Variants in GPC5 observed in about 807,000 individuals in gnomAD.
The protein encoded by GPC5 is glypican 5, also known as glypican-5.
In GPC5, 47 loss-of-function variants were observed where a neutral mutation model predicts 53.9. That is an observed-to-expected ratio of 0.87 (90% CI 0.69 to 1.11). The LOEUF (loss-of-function observed/expected upper bound fraction) is 1.11. Ranked by LOEUF, GPC5 falls within the 50% of genes most tolerant of loss-of-function variation. GPC5 has a pLI of 0.00. For synonymous variants in GPC5, 286 were observed against 263.3 expected (o/e 1.09, Z -0.84); for missense variants, 748 against 713.1 (o/e 1.05, Z -0.56).
At chr13:92,031,867 T>A (rs1315028106) in intron 6 of GPC5, among the ~76,000 whole-genome samples, 4 of 85,146 alleles carry the variant, frequency 4.7e-5, no homozygotes, top group East Asian at 3.2e-4. Flanking sequence ...ATATATATAT[T>A]ATATATAACA....
At chr13:92,297,320 A>T (rs1407211999) in intron 7 of GPC5, among the ~76,000 whole-genome samples, 1 of 150,810 alleles carries the variant, frequency 6.6e-6, no homozygotes, top group Non-Finnish European at 1.5e-5. Flanking sequence ...GGCACTCTGT[A>T]TCTAGCTCAA....
intron 7 of GPC5, among the ~76,000 whole-genome samples, chr13:92,408,829 G>A (rs1875916859): frequency 6.6e-6 from 1 of 151,710 alleles, no homozygotes; most frequent in Non-Finnish European, 1.5e-5. Context: ...TACAATGATG[G>A]TGGTATTCTC....
intron 7 of GPC5, among the ~76,000 whole-genome samples, chr13:92,700,107 T>A (rs184405713): frequency 2.0e-5 from 3 of 152,276 alleles, no homozygotes; most frequent in African/African-American, 7.2e-5. Context: ...TGAATCTGGG[T>A]GCTCTTGTAT....
intron 7 of GPC5, among the ~76,000 whole-genome samples, chr13:92,361,357 C>T (rs973388749): frequency 6.6e-6 from 1 of 151,462 alleles, no homozygotes; most frequent in Non-Finnish European, 1.5e-5. Flanking sequence ...TTACCTGGAC[C>T]CGGTCATTTA....
intron 7 of GPC5, among the ~76,000 whole-genome samples, chr13:92,821,570 TG>T (rs141512578): frequency 0.011 from 1,728 of 152,256 alleles, 40 homozygotes; most frequent in African/African-American, 0.04. Flanking sequence ...ATTGGAAGCC[TG>T]GGTTTTCCTT....
intron 6 of GPC5, among the ~76,000 whole-genome samples, chr13:92,065,853 G>A (rs1307024966): frequency 6.6e-6 from 1 of 151,986 alleles, no homozygotes; most frequent in East Asian, 1.9e-4. Context: ...GAGGGGACTA[G>A]GGTAGGTTAC....
rs572526604 is a variant in GPC5, at chr13:91,429,462, G to A, written c.164-19299G>A. 6.8e-4 allele frequency among the ~76,000 whole-genome samples: 104 copies of A among 152,266 alleles called. No individual in the cohort carries two copies. In the Middle Eastern group the frequency reaches 0.024, roughly 35 times the overall value. The stretch of plus-strand genomic sequence containing the variant: ...TAGGATATGATACTGATTGGAAGAG[G>A]TTTGAATGGGGATCCAAGTAGAGAT... On this transcript the variant is annotated intron_variant, in intron 1 of 7. Coordinates refer to ENST00000377067, the MANE Select transcript of GPC5 (RefSeq NM_004466.6).
At chr13:91,520,702 A>ATATATGTGTGTGTGTG (rs1885759111) in intron 2 of GPC5, among the ~76,000 whole-genome samples, 1 of 150,848 alleles carries the variant, frequency 6.6e-6, no homozygotes, top group Non-Finnish European at 1.5e-5. Flanking sequence ...ATATATGTAT[A>ATATATGTGTGTGTGTG]TATATGTGTG....
intron 5 of GPC5, among the ~76,000 whole-genome samples, chr13:91,848,600 G>T (rs1445943011): frequency 6.6e-6 from 1 of 152,018 alleles, no homozygotes; most frequent in Non-Finnish European, 1.5e-5. Flanking sequence ...CAATGAAGAG[G>T]GTAGAAAAGA....
chr13:92,528,377 G>A (rs1047357306), intron 7 of GPC5, among the ~76,000 whole-genome samples: 1 of 152,094 alleles, frequency 6.6e-6, no homozygotes, highest in Non-Finnish European at 1.5e-5. Context: ...TTAGCTTACA[G>A]AGTTATTTTA....
chr13:92,549,231 G>GA (rs1262430113), intron 7 of GPC5, among the ~76,000 whole-genome samples: 1 of 151,968 alleles, frequency 6.6e-6, no homozygotes, highest in Admixed American at 6.6e-5. Context: ...TCAGATCAAA[G>GA]AAAAAATAGG....
intron 5 of GPC5, among the ~76,000 whole-genome samples, chr13:91,891,114 A>G (rs1342266061): frequency 3.9e-5 from 6 of 152,218 alleles, no homozygotes. Flanking sequence ...GGAATCTAAA[A>G]TAATTCAGTA....
At chr13:91,638,769 A>C (rs1225518808) in intron 2 of GPC5, among the ~76,000 whole-genome samples, 1 of 152,238 alleles carries the variant, frequency 6.6e-6, no homozygotes, top group African/African-American at 2.4e-5. Context: ...TTTTTAAAGG[A>C]AATAATATAC....
chr13:92,247,623 A>G lies in GPC5; in HGVS notation c.1561+102634A>G, dbSNP rs1010218753. Among the ~76,000 whole-genome samples, 17 of 152,126 alleles carry G rather than the reference A, an allele frequency of 1.1e-4. 1 individual carries two copies. The highest frequency in any genetic ancestry group is 1.0e-4 in the Non-Finnish European group (7 of 68,004). ...TGTTGCAATGTACATAATACATAGG[A>G]GGTGATCAAAAGGACTTAAGATGGA... On this transcript the variant is annotated intron_variant, in intron 7 of 7. Transcript: ENST00000377067.
chr13:91,607,533 A>T (rs1214613964), intron 2 of GPC5, among the ~76,000 whole-genome samples: 1 of 152,220 alleles, frequency 6.6e-6, no homozygotes, highest in Non-Finnish European at 1.5e-5. Context: ...ACACCAGTTC[A>T]CAGAACAATC....
At chr13:91,565,007 T>G (rs1451621422) in intron 2 of GPC5, among the ~76,000 whole-genome samples, 1 of 149,180 alleles carries the variant, frequency 6.7e-6, no homozygotes, top group East Asian at 2.0e-4. Context: ...GGGGGGTCGG[T>G]GGGACAGAGT....
rs572737393 is a variant in GPC5 at position 92,596,719 on chromosome 13, G to T, written c.1562-269563G>T. On this transcript the variant is annotated intron_variant, in intron 7 of 7. Transcript: ENST00000377067. The stretch of plus-strand genomic sequence containing the variant: ...AATCTCTTGACCTTGTGATCCACCT[G>T]CCTTGGCTTCCCAAAGTGTTGGGAT... Among the ~76,000 whole-genome samples the T allele has an allele frequency of 1.0e-3, 158 of 152,252 alleles. 1 individual carries two copies. Among genetic ancestry groups the T allele is most frequent in the South Asian group, 3.1e-3 (15 of 4,824 alleles).
At chr13:92,272,159 C>A (rs1018298958) in intron 7 of GPC5, among the ~76,000 whole-genome samples, 3 of 152,148 alleles carry the variant, frequency 2.0e-5, no homozygotes, top group Non-Finnish European at 4.4e-5. Flanking sequence ...GAATAAAGTT[C>A]TTTCATTTAA....
intron 3 of GPC5, among the ~76,000 whole-genome samples, chr13:91,702,104 A>C (rs1177392498): frequency 5.9e-5 from 9 of 152,056 alleles, no homozygotes; most frequent in Non-Finnish European, 1.3e-4. Context: ...TCCTTGGAGA[A>C]ATGTCTAAAT....
Sources: allele counts gnomAD v4.1 joint callset (sites outside exome capture counted in the v4.1 genomes callset), GRCh38; gene constraint gnomAD v4.1.1; transcripts MANE v1.5; gene names NCBI Gene and HGNC (gene_info 2026-07-23, HGNC 2026-07-21).